The following EIF4G3 variants were observed in gnomAD, a reference collection of about 807,000 sequenced individuals.
The protein encoded by EIF4G3 is eIF-4-gamma 3.
EIF4G3 carries 34 observed loss-of-function variants against 186.4 expected under a neutral mutation model. That is an observed-to-expected ratio of 0.18 (90% CI 0.14 to 0.24). The LOEUF (loss-of-function observed/expected upper bound fraction) is 0.24, where lower values mean the gene tolerates loss of function less well. Among genes scored for constraint, EIF4G3 ranks in the 10% least tolerant of loss-of-function variants. The pLI, the probability that EIF4G3 is intolerant of heterozygous loss-of-function variation, is 1.00. For synonymous variants in EIF4G3, 673 were observed against 679.5 expected (o/e 0.99, Z 0.15); for missense variants, 1,536 against 1,948.5 (o/e 0.79, Z 3.99).
intron 19 of EIF4G3, among the ~76,000 whole-genome samples, chr1:20,885,598 G>T (rs376692838): frequency 1.3e-5 from 2 of 152,306 alleles, no homozygotes; most frequent in African/African-American, 4.8e-5. Flanking sequence ...AACATCTCAA[G>T]TCGCAGAGGT....
At chr1:20,939,806 G>C (rs1329476838) in intron 14 of EIF4G3, among the ~76,000 whole-genome samples, 2 of 150,730 alleles carry the variant, frequency 1.3e-5, no homozygotes, top group African/African-American at 4.9e-5. Flanking sequence ...TGTTTCTTCG[G>C]AGGGCATTTA....
intron 2 of EIF4G3, among the ~76,000 whole-genome samples, chr1:21,170,991 TAAAAA>T (rs5772940): frequency 6.7e-6 from 1 of 149,024 alleles, no homozygotes; most frequent in Non-Finnish European, 1.5e-5. Context: ...AAAAATAAAT[TAAAAA>T]AAAAAAAAGT....
At chr1:21,146,681 C>T (rs2097448831) in intron 2 of EIF4G3, among the ~76,000 whole-genome samples, 1 of 152,000 alleles carries the variant, frequency 6.6e-6, no homozygotes, top group East Asian at 1.9e-4. Context: ...CACTTGAACC[C>T]AGGAGGTGGA....
intron 4 of EIF4G3, among the ~76,000 whole-genome samples, chr1:21,015,568 G>T (rs1188633483): frequency 6.6e-6 from 1 of 152,030 alleles, no homozygotes; most frequent in Non-Finnish European, 1.5e-5. Context: ...AGAACAGCCT[G>T]GGGAACACAG....
At chr1:20,953,245 A>T (rs1167861235) in intron 12 of EIF4G3, among the ~76,000 whole-genome samples, 1 of 152,232 alleles carries the variant, frequency 6.6e-6, no homozygotes, top group Admixed American at 6.5e-5. Flanking sequence ...CTGTTGCAAC[A>T]GCTCATCAAT....
At chr1:20,807,750 T>C (rs1355889352) in intron 36 of EIF4G3, among the ~76,000 whole-genome samples, 3 of 140,704 alleles carry the variant, frequency 2.1e-5, no homozygotes, top group Non-Finnish European at 4.5e-5. Context: ...TTGAACTTTT[T>C]TTCTGTTTTT....
intron 14 of EIF4G3, among the ~76,000 whole-genome samples, chr1:20,927,576 T>C (rs1356352279): frequency 1.3e-5 from 2 of 152,070 alleles, no homozygotes; most frequent in Non-Finnish European, 2.9e-5. Flanking sequence ...GAAATGGGGA[T>C]TGAACAGATG....
At chr1:21,152,339 CA>C (rs34780982) in intron 2 of EIF4G3, among the ~76,000 whole-genome samples, 21 of 103,566 alleles carry the variant, frequency 2.0e-4, no homozygotes, top group African/African-American at 7.5e-4. Flanking sequence ...CCTGTCTCTA[CA>C]AAAAAAAAAA....
intron 2 of EIF4G3, among the ~76,000 whole-genome samples, chr1:21,144,797 T>A (rs892347752): frequency 3.3e-5 from 5 of 152,182 alleles, no homozygotes; most frequent in African/African-American, 1.2e-4. Flanking sequence ...CAGATTTCTT[T>A]CTCATAAGCT....
At chr1:21,156,683 C>T (rs2097666856) in intron 2 of EIF4G3, among the ~76,000 whole-genome samples, 1 of 152,182 alleles carries the variant, frequency 6.6e-6, no homozygotes, top group African/African-American at 2.4e-5. Flanking sequence ...AGTCAAATCC[C>T]TATTTTTCTT....
At chr1:20,856,867 A>T (rs1157362547) in intron 25 of EIF4G3, among the ~76,000 whole-genome samples, 1 of 152,206 alleles carries the variant, frequency 6.6e-6, no homozygotes, top group African/African-American at 2.4e-5. Context: ...AAATCCTTAT[A>T]GAAGTAGAAA....
intron 14 of EIF4G3, among the ~76,000 whole-genome samples, chr1:20,939,270 A>G (rs1215408263): frequency 6.6e-6 from 1 of 152,190 alleles, no homozygotes; most frequent in Non-Finnish European, 1.5e-5. Flanking sequence ...AAAAATGCCA[A>G]GAAACTTTAC....
intron 33 of EIF4G3, among the ~76,000 whole-genome samples, chr1:20,822,897 T>C (rs1237258055): frequency 6.6e-6 from 1 of 152,232 alleles, no homozygotes; most frequent in Non-Finnish European, 1.5e-5. Flanking sequence ...AGTTTCTCAG[T>C]ATGCATTGCC....
intron 13 of EIF4G3, among the ~76,000 whole-genome samples, chr1:20,944,885 G>C (rs2095873225): frequency 6.6e-6 from 1 of 151,906 alleles, no homozygotes; most frequent in Non-Finnish European, 1.5e-5. Context: ...TGCATTCGTG[G>C]TCCCAGGTAC....
At chr1:21,142,069 G>A (rs1356490042) in intron 2 of EIF4G3, among the ~76,000 whole-genome samples, 1 of 152,140 alleles carries the variant, frequency 6.6e-6, no homozygotes, top group East Asian at 1.9e-4. Context: ...AAAAAATGGA[G>A]ATAGATATGT....
intron 1 of EIF4G3, among the ~76,000 whole-genome samples, 177 bp downstream of exon 1, chr1:21,176,545 C>T (rs1259386480): frequency 1.6e-5 from 2 of 122,294 alleles, no homozygotes; most frequent in Non-Finnish European, 3.4e-5. Flanking sequence ...AGGAGGGGGC[C>T]GGGGCCGGTC....
chr1:21,135,573 C>T (rs1188365417), intron 2 of EIF4G3, among the ~76,000 whole-genome samples: 4 of 152,124 alleles, frequency 2.6e-5, no homozygotes, highest in Non-Finnish European at 5.9e-5. Context: ...ATATTTTCAT[C>T]AAATGTTAGT....
intron 15 of EIF4G3, among the ~76,000 whole-genome samples, chr1:20,903,948 C>G (rs2091289281): frequency 6.6e-6 from 1 of 152,136 alleles, no homozygotes; most frequent in Admixed American, 6.5e-5. Flanking sequence ...AAGCTACATA[C>G]AGATTTACAT....
At chr1:21,013,453 T>C (rs558388928) in intron 4 of EIF4G3, among the ~76,000 whole-genome samples, 1 of 152,288 alleles carries the variant, frequency 6.6e-6, no homozygotes, top group East Asian at 1.9e-4. Context: ...TGCTCCATCA[T>C]GACAGAAGGA....
Sources: gnomAD v4.1 joint callset for allele counts (sites outside exome capture counted in the v4.1 genomes callset) on GRCh38, gnomAD v4.1.1 for gene constraint, MANE v1.5 for transcripts, NCBI Gene and HGNC (gene_info 2026-07-23, HGNC 2026-07-21) for gene names.